Variants in ARHGEF11 observed in about 807,000 individuals in gnomAD.
ARHGEF11 encodes Rho guanine exchange factor (GEF) 11.
In ARHGEF11, 55 loss-of-function variants were observed where a neutral mutation model predicts 193.7. The ratio of observed to expected loss-of-function variants is 0.28; its 90% confidence interval spans 0.23 to 0.36. ARHGEF11 has a LOEUF of 0.36. Ranked by LOEUF, ARHGEF11 falls within the 10% of genes least tolerant of loss-of-function variation. The pLI is 1.00. For missense variants in ARHGEF11, 1,723 were observed against 2,005.6 expected (o/e 0.86, Z 2.69); for synonymous variants, 693 against 768.0 (o/e 0.90, Z 1.62).
intron 1 of ARHGEF11, 54 bp from the exon 2 acceptor site, chr1:156,986,227 T>G (rs1390020447): frequency 6.9e-7 from 1 of 1,458,880 alleles, no homozygotes; most frequent in Non-Finnish European, 9.6e-7. Flanking sequence ...GGGATCAGCC[T>G]TGTAGTAGAT....
At position 157,044,585 on chromosome 1, in the gene ARHGEF11, A is replaced by G; in HGVS notation, c.-255T>C. On this transcript the variant is annotated 5_prime_UTR_variant, in exon 1 of 41. Transcript: ENST00000368194. The stretch of plus-strand genomic sequence containing the variant: ...AGAAAAGAAAAGAAAAAAGAAAAAA[A>G]AAGGAAAAGAGGAAAAACTACGACC... 1 of 501,074 alleles carries G rather than the reference A, an allele frequency of 2.0e-6. No individual in the cohort carries two copies. The highest frequency in any genetic ancestry group is 3.4e-5 in the Admixed American group (1 of 29,280). 31.0% of individuals were successfully genotyped at this position (501,074 alleles called of 1,614,324 possible).
At position 156,947,353 on chromosome 1, in the gene ARHGEF11, C is replaced by T. The variant is rs773726744; in HGVS notation, c.2439G>A (p.Glu813=). 8 of 1,613,900 alleles carry T rather than the reference C, an allele frequency of 5.0e-6. No homozygotes were observed. Among genetic ancestry groups the T allele is most frequent in the Non-Finnish European group, 6.8e-6 (8 of 1,179,976 alleles). ...RMKKENLMPR[E]ELARLFPNLP... is the part of the protein sequence containing the mutation. ...GGTTCGGGAAGAGCCGGGCCAGCTC[C>T]TCCCGGGGCATCAGGTTCTCCTTCT... The change falls in exon 26 of 41, where the codon GAG becomes GAA. Residue 813 remains glutamate (E), a synonymous_variant. Transcript: ENST00000368194.
At chr1:156,992,535 A>G (rs1281702650) in intron 1 of ARHGEF11, among the ~76,000 whole-genome samples, 1 of 152,022 alleles carries the variant, frequency 6.6e-6, no homozygotes, top group Non-Finnish European at 1.5e-5. Context: ...ATGCTTGGTG[A>G]CCTTCCAGAG....
In ARHGEF11 at chr1:156,937,419, G is replaced by A. The variant is rs775939790; in HGVS notation, c.4270C>T (p.Pro1424Ser). The A allele has an allele frequency of 6.3e-6, 10 of 1,581,300 alleles. No individual in the cohort carries two copies. The highest frequency in any genetic ancestry group is 8.6e-6 in the Non-Finnish European group (10 of 1,165,718). The change falls in exon 39 of 41, where the codon CCT becomes TCT. Residue 1424 changes from proline (P) to serine (S), a missense_variant. Physicochemically the swap from Pro to Ser is moderately conservative, Grantham distance 74. This residue lies in a region of ARHGEF11 where 360 missense variants were observed against 344.4 expected (regional missense o/e 1.05). Coordinates refer to ENST00000368194, the MANE Select transcript of ARHGEF11 (RefSeq NM_198236.3). ...CCTGCAGGGAGGCTGTCAGGCTGAG[G>A]GGGGCTCATGGGTGCCTCTGAGTGG... ...TDHSEAPMSPPQPDSLPAGQT... is the reference protein window; with the variant it reads ...TDHSEAPMSPSQPDSLPAGQT...
At chr1:156,955,349 G>A (rs1659792510) in intron 20 of ARHGEF11, among the ~76,000 whole-genome samples, 1 of 152,148 alleles carries the variant, frequency 6.6e-6, no homozygotes, top group Non-Finnish European at 1.5e-5. Flanking sequence ...CTGTAGTCTT[G>A]TGTGCTAGGA....
chr1:156,995,485 T>C (rs1195403874), intron 1 of ARHGEF11, among the ~76,000 whole-genome samples: 1 of 152,146 alleles, frequency 6.6e-6, no homozygotes, highest in African/African-American at 2.4e-5. Context: ...TGTGTTGAGT[T>C]TCCCTGAAAT....
chr1:157,010,841 T>C (rs1427098973), intron 1 of ARHGEF11, among the ~76,000 whole-genome samples: 3 of 152,290 alleles, frequency 2.0e-5, no homozygotes, highest in African/African-American at 7.2e-5. Flanking sequence ...AAGACCTGTA[T>C]ACTAAAAACT....
chr1:157,025,537 C>T (rs751054705), intron 1 of ARHGEF11, among the ~76,000 whole-genome samples: 6 of 152,152 alleles, frequency 3.9e-5, no homozygotes, highest in Non-Finnish European at 5.9e-5. Context: ...CCTGAACATG[C>T]GGGTTCCTAG....
chr1:156,971,648 C>A, intron 8 of ARHGEF11, 49 bp downstream of exon 8: 1 of 1,579,902 alleles, frequency 6.3e-7, no homozygotes, highest in Admixed American at 1.7e-5. Flanking sequence ...CACTCTACCC[C>A]CAGTTCTACT....
At chr1:156,938,793 C>T (rs1656106193) in intron 37 of ARHGEF11, 1 of 435,182 alleles carries the variant, frequency 2.3e-6, no homozygotes, top group Non-Finnish European at 4.1e-6. Flanking sequence ...GGAAGGGAGG[C>T]AGAGTGGAAT....
intron 1 of ARHGEF11, among the ~76,000 whole-genome samples, chr1:157,034,292 C>A (rs1671642344): frequency 6.6e-6 from 1 of 152,156 alleles, no homozygotes; most frequent in South Asian, 2.1e-4. Context: ...TTCTGAAGGC[C>A]CTGCTCTGGG....
At chr1:156,937,128 G>C (rs1655584369) in intron 39 of ARHGEF11, 121 bp downstream of exon 39, 1 of 1,568,096 alleles carries the variant, frequency 6.4e-7, no homozygotes, top group Admixed American at 1.8e-5. Context: ...CGGGCTGGGG[G>C]AAGATCCCTG....
chr1:156,951,733 T>TTGCTGTTCAGGGATG, intron 21 of ARHGEF11, 34 bp from the exon 22 acceptor site: 1 of 1,613,188 alleles, frequency 6.2e-7, no homozygotes, highest in Non-Finnish European at 8.5e-7. Flanking sequence ...GACACTAGGC[T>TTGCTGTTCAGGGATG]TGCTGTTCAG....
In ARHGEF11 at chr1:156,944,412, T is replaced by C. The variant is rs1230939373; in HGVS notation, c.3013A>G (p.Lys1005Glu). 6.2e-7 allele frequency: 1 copy of C among 1,613,954 alleles called. No homozygotes were observed. Among genetic ancestry groups the C allele is most frequent in the Admixed American group, 1.7e-5 (1 of 59,994 alleles). The change falls in exon 31 of 41, where the codon AAA (lysine) becomes GAA (glutamate). Residue 1005 changes from lysine to glutamate, a missense_variant. By Grantham distance (56) the Lys-to-Glu change is moderately conservative. Coordinates refer to ENST00000368194, the MANE Select transcript of ARHGEF11 (RefSeq NM_198236.3). ...EFKSLDLTTR[K>E]MIHEGPLTWR... ...GTCAGGGGTCCCTCATGGATCATTT[T>C]TCTGGTTGTAAGATCCAGGCTCTGT...
intron 32 of ARHGEF11, 59 bp from the exon 33 acceptor site, chr1:156,942,839 C>A: frequency 6.9e-7 from 1 of 1,456,062 alleles, no homozygotes; most frequent in Non-Finnish European, 9.6e-7. Context: ...GTGACTGCAG[C>A]CTGGGCCAGG....
At chr1:157,023,535 G>A (rs1051166860) in intron 1 of ARHGEF11, among the ~76,000 whole-genome samples, 3 of 152,184 alleles carry the variant, frequency 2.0e-5, no homozygotes, top group African/African-American at 7.2e-5. Flanking sequence ...GGAGGCCAAG[G>A]CGGGCAGATC....
intron 1 of ARHGEF11, among the ~76,000 whole-genome samples, chr1:157,039,887 TAG>T (rs1035919379): frequency 2.0e-5 from 3 of 152,282 alleles, no homozygotes; most frequent in African/African-American, 4.8e-5. Flanking sequence ...CTATACAAAC[TAG>T]AGTTTCTAAA....
intron 1 of ARHGEF11, among the ~76,000 whole-genome samples, chr1:157,036,690 G>A (rs1252739551): frequency 6.6e-6 from 1 of 152,056 alleles, no homozygotes; most frequent in Non-Finnish European, 1.5e-5. Context: ...CTAACCTAAG[G>A]GTCTAAGGAA....
chr1:156,965,999 T>C (rs1246079358), intron 11 of ARHGEF11, among the ~76,000 whole-genome samples: 1 of 152,164 alleles, frequency 6.6e-6, no homozygotes, highest in East Asian at 1.9e-4. Context: ...CCTACAGAGA[T>C]AAAGCATATA....
Sources: allele counts gnomAD v4.1 joint callset (sites outside exome capture counted in the v4.1 genomes callset), GRCh38; gene constraint gnomAD v4.1.1; regional missense constraint gnomAD v4.1.1; transcripts MANE v1.5; gene names NCBI Gene and HGNC (gene_info 2026-07-23, HGNC 2026-07-21).